CRMP1: variants seen among roughly 807,000 people sequenced by gnomAD.
CRMP1 encodes the protein dihydropyrimidinase-related protein 1.
In CRMP1, 19 loss-of-function variants were observed where a neutral mutation model predicts 68.3. The ratio of observed to expected loss-of-function variants is 0.28; its 90% CI spans 0.19 to 0.41. CRMP1 has a LOEUF of 0.41. CRMP1 is among the 10% of genes least tolerant of loss of function. CRMP1 has a pLI of 1.00. For missense variants in CRMP1, 791 were observed against 967.4 expected (o/e 0.82, Z 2.42); for synonymous variants, 439 against 399.6 (o/e 1.10, Z -1.18).
At chr4:5,824,908 G>C in intron 13 of CRMP1, 1 of 985,400 alleles carries the variant, frequency 1.0e-6, no homozygotes. Flanking sequence ...AAGTCAGGAG[G>C]GATCAGGTCA....
intron 1 of CRMP1, among the ~76,000 whole-genome samples, chr4:5,869,111 C>G (rs574514010): frequency 6.6e-6 from 1 of 152,226 alleles, no homozygotes; most frequent in South Asian, 2.1e-4. Context: ...TGCCACCACA[C>G]CTGGCTAATT....
In CRMP1 at chr4:5,889,963, T is replaced by A. The variant is rs1369517156; in HGVS notation, c.381+2626A>T. ...ATTGAGGCTTACAGAGGTAAAATGATGTACCCCGGGTGCAAAACATATTAG... is the reference window on the plus strand; with the variant it reads ...ATTGAGGCTTACAGAGGTAAAATGAAGTACCCCGGGTGCAAAACATATTAG... On this transcript the variant is annotated intron_variant, in intron 1 of 13. Coordinates refer to ENST00000324989, the MANE Select transcript of CRMP1 (RefSeq NM_001014809.3). The surrounding 1 kb of genome is among the most constrained non-coding windows in gnomAD (Gnocchi z 4.5). 1 of 1,291,802 alleles carries A rather than the reference T, an allele frequency of 7.7e-7. No homozygotes were observed. Among genetic ancestry groups the A allele is most frequent in the African/African-American group, 1.5e-5 (1 of 66,910 alleles). 80.0% of individuals were successfully genotyped at this position (1,291,802 alleles called of 1,614,324 possible).
rs1560506885 is a variant in CRMP1, at chr4:5,858,409, AC to A, written c.656-2103del. On this transcript the variant is annotated intron_variant, in intron 3 of 13. Transcript: ENST00000324989. The surrounding 1 kb of genome is among the most constrained non-coding windows in gnomAD (Gnocchi z 5.5). ...CAAAACCTCATGCAATACTCTCCCC[AC>A]CCCGACCCCAGCTGTGGTGGACATC... Among the ~76,000 whole-genome samples the A allele has an allele frequency of 6.7e-6, 1 of 150,162 alleles. No homozygotes were observed. The highest frequency in any genetic ancestry group is 6.7e-5 in the Admixed American group (1 of 14,976).
Position 5,838,750 on chromosome 4 carries a change from C to T in CRMP1, c.1310+772G>A, listed in dbSNP as rs377634359. Among the ~76,000 whole-genome samples, 5 of 152,052 alleles carry T rather than the reference C, an allele frequency of 3.3e-5. No individual in the cohort carries two copies. The highest frequency in any genetic ancestry group is 7.4e-5 in the Non-Finnish European group (5 of 67,994). ...AGGGGGATGGTGATTTCCACGTGGGCGCACACCACTGCCCCCTCCTCCAAG... is the reference window on the plus strand; with the variant it reads ...AGGGGGATGGTGATTTCCACGTGGGTGCACACCACTGCCCCCTCCTCCAAG... On this transcript the variant is annotated intron_variant, in intron 9 of 13. Transcript: ENST00000324989. This position sits in a 1 kb window ranked among gnomAD's most constrained non-coding sequence, Gnocchi z 4.9.
At chr4:5,851,819 G>A (rs572631774) in intron 4 of CRMP1, among the ~76,000 whole-genome samples, 10 of 147,454 alleles carry the variant, frequency 6.8e-5, no homozygotes, top group Non-Finnish European at 1.3e-4. Context: ...AAAAAGAAGA[G>A]GAGGAGAAAG....
chr4:5,862,316 A>ACCC (rs749443367), intron 2 of CRMP1, among the ~76,000 whole-genome samples: 5 of 147,220 alleles, frequency 3.4e-5, no homozygotes, highest in South Asian at 4.2e-4. Flanking sequence ...CCAATCCCTT[A>ACCC]CCCCCAGAAT....
Position 5,892,551 on chromosome 4 carries a change from C to T in CRMP1, c.381+38G>A. 2 of 1,168,444 alleles carry T rather than the reference C, an allele frequency of 1.7e-6. No individual in the cohort carries two copies. Among genetic ancestry groups the T allele is most frequent in the Admixed American group, 4.6e-5 (1 of 21,546 alleles). 72.4% of individuals were successfully genotyped at this position (1,168,444 alleles called of 1,614,324 possible). On this transcript the variant is annotated intron_variant, in intron 1 of 13. Coordinates refer to ENST00000324989, the MANE Select transcript of CRMP1 (RefSeq NM_001014809.3). This position sits in a 1 kb window ranked among gnomAD's most constrained non-coding sequence, Gnocchi z 8.6. ...CCATGCCCTGGGTCCTCCCGGGGCC[C>T]GCCCCCCTCGTCTGGCCCGCGCGCG...
intron 2 of CRMP1, among the ~76,000 whole-genome samples, chr4:5,864,361 TTCTC>T (rs1713824992): frequency 6.6e-6 from 1 of 152,106 alleles, no homozygotes; most frequent in African/African-American, 2.4e-5. Context: ...CAGAGTTGCT[TTCTC>T]TCTATCTAAG....
intron 11 of CRMP1, among the ~76,000 whole-genome samples, chr4:5,833,315 C>T (rs962762870): frequency 4.5e-5 from 6 of 132,716 alleles, no homozygotes; most frequent in Admixed American, 2.2e-4. Context: ...TACAGGCGCC[C>T]GCCACTACGC....
intron 4 of CRMP1, 64 bp from the exon 5 acceptor site, chr4:5,851,533 T>A: frequency 6.7e-7 from 1 of 1,493,084 alleles, no homozygotes; most frequent in Non-Finnish European, 9.3e-7. Context: ...GTCTTTCCAA[T>A]AAATCAATGA....
intron 10 of CRMP1, 138 bp from the exon 11 acceptor site, chr4:5,836,223 A>G (rs1720713859): frequency 1.5e-6 from 1 of 687,614 alleles, no homozygotes; most frequent in South Asian, 5.7e-5. Flanking sequence ...AAAACGTGCC[A>G]TCATCAAGAA....
intron 1 of CRMP1, among the ~76,000 whole-genome samples, chr4:5,886,093 G>C (rs1715565762): frequency 6.6e-6 from 1 of 152,168 alleles, no homozygotes; most frequent in Non-Finnish European, 1.5e-5. Flanking sequence ...TTTGCTGAAG[G>C]TTTTGATTTG....
At chr4:5,868,290 T>TATATATATATATATATATCTATATATAG (rs1205965019) in intron 1 of CRMP1, among the ~76,000 whole-genome samples, 32 of 131,366 alleles carry the variant, frequency 2.4e-4, no homozygotes, top group African/African-American at 1.0e-3. Context: ...TATATATATA[T>TATATATATATATATATATCTATATATAG]ATATATATAT....
In CRMP1 at chr4:5,870,137, G is replaced by C. The variant is rs1202882522; in HGVS notation, c.382-3381C>G. Among the ~76,000 whole-genome samples, 3 of 152,188 alleles carry C rather than the reference G, an allele frequency of 2.0e-5. No individual in the cohort carries two copies. On this transcript the variant is annotated intron_variant, in intron 1 of 13. Transcript: ENST00000324989. The surrounding 1 kb of genome is among the most constrained non-coding windows in gnomAD (Gnocchi z 6.0). Reference sequence around the variant, plus strand: ...GGTCAGCGAGACCCCAGTTAATCTGGAGTCCCAGGTTCCTGGCAGTCTTCC... The same window carrying C: ...GGTCAGCGAGACCCCAGTTAATCTGCAGTCCCAGGTTCCTGGCAGTCTTCC...
At position 5,825,629 on chromosome 4, in the gene CRMP1, T is replaced by C. The variant is rs1175997520; in HGVS notation, c.1834A>G (p.Met612Val). Reference protein sequence around the residue: ...VFGLQGVSRGMYDGPVYEVPA... With the variant: ...VFGLQGVSRGVYDGPVYEVPA... ...ACCTCGTACACAGGACCGTCATACA[T>C]GCCCCTGGAAACCCCTTGCAATCCA... The change falls in exon 13 of 14, where the codon ATG becomes GTG. Residue 612 changes from methionine (M) to valine (V), a missense_variant. Coordinates refer to ENST00000324989, the MANE Select transcript of CRMP1 (RefSeq NM_001014809.3). The surrounding 1 kb of genome is among the most constrained non-coding windows in gnomAD (Gnocchi z 4.4). 1 of 1,609,960 alleles carries C rather than the reference T, an allele frequency of 6.2e-7. No homozygotes were observed. Among genetic ancestry groups the C allele is most frequent in the Non-Finnish European group, 8.5e-7 (1 of 1,178,710 alleles).
At chr4:5,824,799 G>A in intron 13 of CRMP1, 1 of 985,324 alleles carries the variant, frequency 1.0e-6, no homozygotes, top group Non-Finnish European at 1.2e-6. Flanking sequence ...CAAAGAGTTT[G>A]CAGGACAAAA....
rs893254328 is a variant in CRMP1 at position 5,853,115 on chromosome 4, T to A, written c.821-1646A>T. On this transcript the variant is annotated intron_variant, in intron 4 of 13. Transcript: ENST00000324989. This position sits in a 1 kb window ranked among gnomAD's most constrained non-coding sequence, Gnocchi z 4.7. ...AATTGCTGAGAGCATTTAAGCTGATTAGAAAATAAAAACACAGGTGGGAGC... is the reference window on the plus strand; with the variant it reads ...AATTGCTGAGAGCATTTAAGCTGATAAGAAAATAAAAACACAGGTGGGAGC... Among the ~76,000 whole-genome samples, 1 of 152,124 alleles carries A rather than the reference T, an allele frequency of 6.6e-6. No homozygotes were observed. Among genetic ancestry groups the A allele is most frequent in the African/African-American group, 2.4e-5 (1 of 41,430 alleles).
At chr4:5,831,934 T>C (rs1720408815) in intron 11 of CRMP1, among the ~76,000 whole-genome samples, 1 of 152,168 alleles carries the variant, frequency 6.6e-6, no homozygotes, top group Non-Finnish European at 1.5e-5. Context: ...GAGCAGCCAC[T>C]CAAGCTCATG....
At chr4:5,868,271 A>ATATCTATATATC (rs1560513250) in intron 1 of CRMP1, among the ~76,000 whole-genome samples, 2 of 24,676 alleles carry the variant, frequency 8.1e-5, no homozygotes, top group African/African-American at 2.4e-4. Context: ...CTATATATAT[A>ATATCTATATATC]TATATATATA....
Sources: gnomAD v4.1 joint callset for allele counts (sites outside exome capture counted in the v4.1 genomes callset) on GRCh38, gnomAD v4.1.1 for gene constraint, Gnocchi (gnomAD v3.1) non-coding constraint, MANE v1.5 for transcripts, NCBI Gene and HGNC (gene_info 2026-07-23, HGNC 2026-07-21) for gene names.